Variants in ZNF469 observed in about 807,000 individuals in gnomAD.
The protein encoded by ZNF469 is zinc finger protein 469.
Under a neutral mutation model 1.0 loss-of-function variants are expected in ZNF469, and 1 was observed. The observed-to-expected ratio is 1.00, with a 90% confidence interval of 0.35 to 4.73. ZNF469 has a LOEUF of 4.73. Among genes scored for constraint, ZNF469 ranks in the 30% most tolerant of loss-of-function variants. The probability of loss-of-function intolerance (pLI) is 0.16; values close to 1 mark genes in which losing one functional copy is unlikely to be tolerated. For missense variants in ZNF469, 6,100 were observed against 5,356.3 expected (o/e 1.14, Z -4.33); for synonymous variants, 2,703 against 2,363.4 (o/e 1.14, Z -4.17).
chr16:88,315,460 GGC>G, the ZNF469 span, among the ~76,000 whole-genome samples: 1 of 152,216 alleles, frequency 6.6e-6, no homozygotes, highest in Non-Finnish European at 1.5e-5. Flanking sequence ...CGCTCACCCT[GGC>G]ACAGGGGGAG....
the ZNF469 span, among the ~76,000 whole-genome samples, chr16:88,170,255 T>A: frequency 6.6e-6 from 1 of 152,346 alleles, no homozygotes; most frequent in East Asian, 1.9e-4. This position sits in a 1 kb window ranked among gnomAD's most constrained non-coding sequence, Gnocchi z 4.2. Flanking sequence ...ATCCAGCTAA[T>A]TGTCACATCC....
chr16:88,383,880 G>A (rs983900098), intron 1 of ZNF469, among the ~76,000 whole-genome samples: 2 of 152,172 alleles, frequency 1.3e-5, no homozygotes, highest in East Asian at 1.9e-4. Flanking sequence ...TTGCAGAGCC[G>A]GGAAGTTGGC....
At chr16:88,114,041 C>A in the ZNF469 span, among the ~76,000 whole-genome samples, 1 of 152,184 alleles carries the variant, frequency 6.6e-6, no homozygotes, top group Non-Finnish European at 1.5e-5. Flanking sequence ...GGGTCTCCCC[C>A]ACCCCACAGC....
chr16:88,261,660 A>G, the ZNF469 span, among the ~76,000 whole-genome samples: 2 of 152,092 alleles, frequency 1.3e-5, no homozygotes, highest in African/African-American at 4.8e-5. This position sits in a 1 kb window ranked among gnomAD's most constrained non-coding sequence, Gnocchi z 6.0. Flanking sequence ...CCTGCCTTTG[A>G]CACAGAAAGT....
At chr16:88,425,529 C>A (rs74636392) in intron 2 of ZNF469, among the ~76,000 whole-genome samples, 2 of 151,984 alleles carry the variant, frequency 1.3e-5, no homozygotes, top group South Asian at 4.2e-4. Context: ...AGGAGGACCT[C>A]GCCTACACTG....
At chr16:88,340,414 G>A in the ZNF469 span, among the ~76,000 whole-genome samples, 1 of 152,192 alleles carries the variant, frequency 6.6e-6, no homozygotes, top group South Asian at 2.1e-4. Context: ...AGGTGTCATG[G>A]GCCAGGCATC....
chr16:88,430,570 A>G lies in ZNF469; in HGVS notation c.3100A>G (p.Lys1034Glu), dbSNP rs766218970. 1.4e-5 allele frequency: 21 copies of G among 1,489,810 alleles called. No individual in the cohort carries two copies. In the South Asian group the frequency reaches 2.3e-4, roughly 16 times the overall value. 92.3% of individuals were successfully genotyped at this position (1,489,810 alleles called of 1,614,324 possible). A position where few individuals can be genotyped will look rare whatever the true frequency, so the allele number is the denominator to read the frequency against. Residue 1034 changes from lysine to glutamate, a missense_variant, in exon 3 of 3, where the codon AAG (lysine) becomes GAG (glutamate). Lys to Glu is a moderately conservative substitution (Grantham distance 56, BLOSUM62 1). Coordinates refer to ENST00000565624, the MANE Select transcript of ZNF469 (RefSeq NM_001367624.2). ...CCGGCGCCGCCGGCTGCCCCCCAGG[A>G]AGGACCCCAGGAAGAGGAAGGCTCG... ...SSRRRRLPPR[K>E]DPRKRKARGG...
chr16:88,120,726 A>T, the ZNF469 span, among the ~76,000 whole-genome samples: 1 of 152,186 alleles, frequency 6.6e-6, no homozygotes, highest in African/African-American at 2.4e-5. Flanking sequence ...AGCACGGTGG[A>T]AGGCCTGAGC....
At chr16:88,413,155 A>G (rs1478420987) in intron 1 of ZNF469, among the ~76,000 whole-genome samples, 1 of 152,252 alleles carries the variant, frequency 6.6e-6, no homozygotes, top group Non-Finnish European at 1.5e-5. Flanking sequence ...AAAGCTAATT[A>G]AAATCTGGGT....
intron 1 of ZNF469, among the ~76,000 whole-genome samples, chr16:88,407,090 C>G (rs999285219): frequency 7.9e-6 from 1 of 126,198 alleles, no homozygotes; most frequent in Non-Finnish European, 1.7e-5. Context: ...CGCACCTGGG[C>G]CTTTGCTCTT....
the ZNF469 span, among the ~76,000 whole-genome samples, chr16:88,373,951 G>A: frequency 1.3e-5 from 2 of 152,044 alleles, no homozygotes; most frequent in Non-Finnish European, 2.9e-5. Context: ...TGCAGTGAGT[G>A]GAGATTGCAC....
At chr16:88,313,505 G>C in the ZNF469 span, among the ~76,000 whole-genome samples, 1 of 152,056 alleles carries the variant, frequency 6.6e-6, no homozygotes, top group Non-Finnish European at 1.5e-5. Context: ...CTGTAATTAA[G>C]ACGATGCTGG....
the ZNF469 span, among the ~76,000 whole-genome samples, chr16:88,243,158 T>G: frequency 6.6e-6 from 1 of 152,228 alleles, no homozygotes; most frequent in Non-Finnish European, 1.5e-5. Context: ...GAATTGTCCT[T>G]GGCTGGTGGC....
At chr16:88,108,132 TCTGTGGGGATGTGGGGATGGGGGTCCACG>T in the ZNF469 span, among the ~76,000 whole-genome samples, 2 of 108,288 alleles carry the variant, frequency 1.8e-5, no homozygotes, top group South Asian at 2.8e-4. Flanking sequence ...GAGGTGCACG[TCTGTGGGGATGTGGGGATGGGGGTCCACG>T]TCTGTGGGGA....
the ZNF469 span, among the ~76,000 whole-genome samples, chr16:88,105,207 A>G: frequency 6.6e-6 from 1 of 152,204 alleles, no homozygotes; most frequent in Non-Finnish European, 1.5e-5. Flanking sequence ...GGGGCAACAC[A>G]GTGAGACCCT....
chr16:88,286,594 G>A, the ZNF469 span, among the ~76,000 whole-genome samples: 1 of 152,278 alleles, frequency 6.6e-6, no homozygotes, highest in Non-Finnish European at 1.5e-5. Flanking sequence ...TGTCAGTGCA[G>A]GTGGGGGAGG....
chr16:88,318,738 C>T, the ZNF469 span, among the ~76,000 whole-genome samples: 1 of 152,328 alleles, frequency 6.6e-6, no homozygotes, highest in African/African-American at 2.4e-5. Flanking sequence ...TCTTGGAGCT[C>T]GGAGGAGGGG....
chr16:88,120,960 A>G, the ZNF469 span, among the ~76,000 whole-genome samples: 1 of 151,900 alleles, frequency 6.6e-6, no homozygotes, highest in Non-Finnish European at 1.5e-5. Context: ...GCGTTGGGTG[A>G]GGTTCTAGAA....
At position 88,437,847 on chromosome 16, in the gene ZNF469, G is replaced by C. The variant is rs910515287; in HGVS notation, c.10377G>C (p.Pro3459=). The C allele has an allele frequency of 7.1e-6, 11 of 1,539,958 alleles. No individual in the cohort carries two copies. Among genetic ancestry groups the C allele is most frequent in the Non-Finnish European group, 9.7e-6 (11 of 1,139,468 alleles). Residue 3459 remains proline (P), a synonymous_variant, in exon 3 of 3, where the codon CCG becomes CCC. Coordinates refer to ENST00000565624, the MANE Select transcript of ZNF469 (RefSeq NM_001367624.2). ...AFRGVRRPGA[P]GQKARALEGT... ...GCGGCGTGCGGAGGCCGGGAGCGCC[G>C]GGACAGAAGGCCCGGGCCCTCGAGG... is the stretch of plus-strand genomic sequence containing the variant.
Sources: gnomAD v4.1 joint callset for allele counts (sites outside exome capture counted in the v4.1 genomes callset) on GRCh38, gnomAD v4.1.1 for gene constraint, Gnocchi (gnomAD v3.1) non-coding constraint, MANE v1.5 for transcripts, NCBI Gene and HGNC (gene_info 2026-07-23, HGNC 2026-07-21) for gene names.